DLG5: variants seen among roughly 807,000 people sequenced by gnomAD.
DLG5 encodes disks large homolog 5.
Under a neutral mutation model 189.8 loss-of-function variants are expected in DLG5, and 48 were observed. The ratio of observed to expected loss-of-function variants is 0.25; its 90% CI spans 0.20 to 0.32. The LOEUF is 0.32. Ranked by LOEUF, DLG5 falls within the 10% of genes least tolerant of loss-of-function variation. The probability of loss-of-function intolerance (pLI) is 1.00; values close to 1 mark genes in which losing one functional copy is unlikely to be tolerated. For missense variants in DLG5, 2,160 were observed against 2,544.7 expected, an observed-to-expected ratio of 0.85 and a Z score of 3.25; for synonymous variants, 1,016 against 1,054.1, an observed-to-expected ratio of 0.96 and a Z score of 0.70.
At chr10:77,911,953 CT>C (rs1481285722) in intron 1 of DLG5, among the ~76,000 whole-genome samples, 13 of 149,880 alleles carry the variant, frequency 8.7e-5, no homozygotes, top group Non-Finnish European at 1.9e-4. Flanking sequence ...GATCCCAACA[CT>C]TTGGGAGGCT....
chr10:77,812,143 C>T, intron 21 of DLG5, 72 bp downstream of exon 21: 1 of 1,595,700 alleles, frequency 6.3e-7, no homozygotes, highest in Non-Finnish European at 8.5e-7. Flanking sequence ...CACTGCTGTT[C>T]CCTAGGAGGA....
At chr10:77,929,628 A>T (rs1846768088), upstream of DLG5, 1 of 152,258 alleles carries the variant, frequency 6.6e-6, no homozygotes, top group Non-Finnish European at 1.5e-5. Flanking sequence ...AGAAAATGCC[A>T]TGTGAAGATG....
At chr10:77,819,183 T>C (rs549263300) in intron 17 of DLG5, 138 bp downstream of exon 17, 1 of 1,258,098 alleles carries the variant, frequency 7.9e-7, no homozygotes, top group Non-Finnish European at 1.1e-6. Flanking sequence ...TCCCTTTCCC[T>C]GTGCTGCTCT....
chr10:77,853,873 G>A (rs1438237839), intron 4 of DLG5, among the ~76,000 whole-genome samples: 2 of 152,192 alleles, frequency 1.3e-5, no homozygotes, highest in Non-Finnish European at 2.9e-5. Context: ...TCAGAGGGAT[G>A]CTGGGAGACC....
chr10:77,909,025 C>T (rs184878677), intron 1 of DLG5, among the ~76,000 whole-genome samples: 20 of 152,272 alleles, frequency 1.3e-4, no homozygotes, highest in African/African-American at 4.3e-4. Flanking sequence ...GCTAAAAGAA[C>T]GAATCCAGGT....
intron 11 of DLG5, 140 bp from the exon 12 acceptor site, chr10:77,829,670 T>C (rs1411026061): frequency 8.6e-6 from 9 of 1,041,826 alleles, no homozygotes; most frequent in South Asian, 1.6e-5. Context: ...CTTGCAGGAG[T>C]GCACAGTGGT....
chr10:77,929,113 C>G (rs948311339), upstream of DLG5: 2 of 152,136 alleles, frequency 1.3e-5, no homozygotes, highest in Admixed American at 1.3e-4. Context: ...ACACAGTTCA[C>G]TGCAGCCTCA....
In DLG5 at chr10:77,926,455, C is replaced by T. The variant is rs751051917; in HGVS notation, c.66G>A (p.Glu22=). Residue 22 remains glutamate (E), a synonymous_variant, in exon 1 of 32, where the codon GAG becomes GAA. Coordinates refer to ENST00000372391, the MANE Select transcript of DLG5 (RefSeq NM_004747.4). The surrounding 1 kb of genome is among the most constrained non-coding windows in gnomAD (Gnocchi z 5.2). Reference sequence around the variant, plus strand: ...CGAGCAGCCCGAGCACGGCTTCCACCTCCGTCATGGCCTGGGCCAGGCTCT... The same window carrying T: ...CGAGCAGCCCGAGCACGGCTTCCACTTCCGTCATGGCCTGGGCCAGGCTCT... ...CQQSLAQAMT[E]VEAVLGLLEA... is the part of the protein sequence containing the mutation. 6.5e-7 allele frequency: 1 copy of T among 1,547,474 alleles called. No homozygotes were observed.
At chr10:77,797,382 A>C (rs955363055) in intron 27 of DLG5, among the ~76,000 whole-genome samples, 4 of 152,216 alleles carry the variant, frequency 2.6e-5, no homozygotes, top group African/African-American at 9.6e-5. Context: ...GGAATCTCAG[A>C]AACATAATAA....
At position 77,796,081 on chromosome 10, in the gene DLG5, T is replaced by C; in HGVS notation, c.5416A>G (p.Ile1806Val). 2 of 1,614,220 alleles carry C rather than the reference T, an allele frequency of 1.2e-6. No individual in the cohort carries two copies. Among genetic ancestry groups the C allele is most frequent in the Non-Finnish European group, 8.5e-7 (1 of 1,180,038 alleles). Reference protein sequence around the residue: ...GHFDVTTVASIKEITEKNRHC... With the variant: ...GHFDVTTVASVKEITEKNRHC... ...GGTACCTTTTCTGTGATCTCCTTTATTGACGCCACAGTGGTCACATCGAAA... is the reference window on the plus strand; with the variant it reads ...GGTACCTTTTCTGTGATCTCCTTTACTGACGCCACAGTGGTCACATCGAAA... Residue 1806 changes from isoleucine to valine, a missense_variant, in exon 29 of 32, where the codon ATA becomes GTA. Ile to Val is a conservative substitution (Grantham distance 29). This residue lies in a region of DLG5 where 574 missense variants were observed against 644.2 expected (regional missense o/e 0.89). Transcript: ENST00000372391. The surrounding 1 kb of genome is among the most constrained non-coding windows in gnomAD (Gnocchi z 5.2).
At chr10:77,893,196 C>T (rs1027652085) in intron 1 of DLG5, among the ~76,000 whole-genome samples, 9 of 152,098 alleles carry the variant, frequency 5.9e-5, no homozygotes, top group South Asian at 2.1e-4. Flanking sequence ...GAGAAGGAAA[C>T]GTCACCTTAC....
intron 1 of DLG5, among the ~76,000 whole-genome samples, chr10:77,882,759 C>CCA (rs35499082): frequency 1.4e-5 from 2 of 143,138 alleles, no homozygotes; most frequent in Non-Finnish European, 3.1e-5. Context: ...TAAAAAAATA[C>CCA]AAAAAAAAAA....
At chr10:77,816,817 T>A (rs1842078366) in intron 19 of DLG5, 116 bp from the exon 20 acceptor site, 1 of 1,449,822 alleles carries the variant, frequency 6.9e-7, no homozygotes, top group Non-Finnish European at 9.4e-7. Context: ...CATCGCATAG[T>A]CTGGAGCTCA....
At chr10:77,873,031 G>GTGTGTGCGCACA (rs201196944) in intron 1 of DLG5, among the ~76,000 whole-genome samples, 6 of 45,488 alleles carry the variant, frequency 1.3e-4, no homozygotes, top group African/African-American at 2.6e-4. Context: ...GTGTGTGTGT[G>GTGTGTGCGCACA]CACACACACA....
In DLG5 at chr10:77,926,095, G is replaced by A. The variant is rs2131887470; in HGVS notation, c.304+122C>T. On this transcript the variant is annotated intron_variant, in intron 1 of 31. Coordinates refer to ENST00000372391, the MANE Select transcript of DLG5 (RefSeq NM_004747.4). This position sits in a 1 kb window ranked among gnomAD's most constrained non-coding sequence, Gnocchi z 5.2. Reference sequence around the variant, plus strand: ...CCGCCGCCTCCCCAACTGGGCCAGAGGAGCGAGTCCACCGAGGCCATCGCC... The same window carrying A: ...CCGCCGCCTCCCCAACTGGGCCAGAAGAGCGAGTCCACCGAGGCCATCGCC... The A allele has an allele frequency of 9.2e-7, 1 of 1,081,328 alleles. No homozygotes were observed. The highest frequency in any genetic ancestry group is 1.2e-6 in the Non-Finnish European group (1 of 832,456). The allele number at this position is 1,081,328 out of a possible 1,614,324, so 67.0% of individuals were successfully genotyped here. A position where few individuals can be genotyped will look rare whatever the true frequency, so the allele number is the denominator to read the frequency against.
chr10:77,876,791 G>A (rs138407422), intron 1 of DLG5, among the ~76,000 whole-genome samples: 1 of 151,192 alleles, frequency 6.6e-6, no homozygotes, highest in East Asian at 1.9e-4. Context: ...CCAGATAATT[G>A]GAGATTTAAC....
At chr10:77,827,553 G>A (rs369123072) in intron 13 of DLG5, among the ~76,000 whole-genome samples, 2 of 152,166 alleles carry the variant, frequency 1.3e-5, no homozygotes, top group South Asian at 2.1e-4. Context: ...AAGGTCAGAA[G>A]TATTAAATTT....
chr10:77,796,362 C>T lies in DLG5; in HGVS notation c.5308+89G>A. 15 of 1,601,288 alleles carry T rather than the reference C, an allele frequency of 9.4e-6. No homozygotes were observed. Among genetic ancestry groups the T allele is most frequent in the Non-Finnish European group, 1.3e-5 (15 of 1,171,552 alleles). Reference sequence around the variant, plus strand: ...TGTGAAATCTGCCCCCCGGTACTGCCACCCACTGTGCACAGCTGGGCAGGC... The same window carrying T: ...TGTGAAATCTGCCCCCCGGTACTGCTACCCACTGTGCACAGCTGGGCAGGC... On this transcript the variant is annotated intron_variant, in intron 28 of 31. Transcript: ENST00000372391. This position sits in a 1 kb window ranked among gnomAD's most constrained non-coding sequence, Gnocchi z 5.2.
At chr10:77,890,334 C>T (rs115463693) in intron 1 of DLG5, among the ~76,000 whole-genome samples, 1 of 152,144 alleles carries the variant, frequency 6.6e-6, no homozygotes, top group Admixed American at 6.5e-5. Flanking sequence ...CTCTTGTGCT[C>T]GTCACTTCCT....
Sources: gnomAD v4.1 joint callset for allele counts (sites outside exome capture counted in the v4.1 genomes callset) on GRCh38, gnomAD v4.1.1 for gene constraint, gnomAD v4.1.1 regional missense constraint, Gnocchi (gnomAD v3.1) non-coding constraint, MANE v1.5 for transcripts, NCBI Gene and HGNC (gene_info 2026-07-23, HGNC 2026-07-21) for gene names.